Variants in GPR158 observed in about 807,000 individuals in gnomAD.
The protein encoded by GPR158 is G protein-coupled receptor 158.
GPR158 carries 30 observed loss-of-function variants against 78.2 expected under a neutral mutation model. The ratio of observed to expected loss-of-function variants is 0.38; its 90% CI spans 0.29 to 0.52. GPR158 has a LOEUF of 0.52. Among genes scored for constraint, GPR158 ranks in the 20% least tolerant of loss-of-function variants. The pLI is 0.83. For missense variants in GPR158, 1,463 were observed against 1,523.5 expected (o/e 0.96, Z 0.66); for synonymous variants, 581 against 591.1 (o/e 0.98, Z 0.25).
At chr10:25,425,318 C>G (rs1834804775) in intron 4 of GPR158, among the ~76,000 whole-genome samples, 1 of 152,066 alleles carries the variant, frequency 6.6e-6, no homozygotes, top group African/African-American at 2.4e-5. Context: ...AAAGTGTTCT[C>G]TTTTCAGCAC....
intron 2 of GPR158, among the ~76,000 whole-genome samples, chr10:25,252,971 G>C (rs546213152): frequency 4.6e-5 from 7 of 152,188 alleles, no homozygotes; most frequent in Middle Eastern, 3.4e-3. Context: ...GCGAGATTCC[G>C]TGGGCGTAGG....
intron 2 of GPR158, among the ~76,000 whole-genome samples, chr10:25,284,956 C>G (rs917437302): frequency 2.0e-5 from 3 of 151,994 alleles, no homozygotes; most frequent in African/African-American, 7.2e-5. Flanking sequence ...ACTATACACA[C>G]AATACATTGC....
At chr10:25,409,257 C>A (rs1281901613) in intron 3 of GPR158, among the ~76,000 whole-genome samples, 1 of 152,064 alleles carries the variant, frequency 6.6e-6, no homozygotes, top group Non-Finnish European at 1.5e-5. Context: ...CTGTCTGTGA[C>A]TGTTCTATCC....
intron 2 of GPR158, among the ~76,000 whole-genome samples, chr10:25,270,570 A>T (rs1234001808): frequency 6.6e-6 from 1 of 152,114 alleles, no homozygotes; most frequent in Non-Finnish European, 1.5e-5. Context: ...TGATCTCACT[A>T]ATGCCACTCT....
intron 2 of GPR158, among the ~76,000 whole-genome samples, chr10:25,332,877 T>C (rs1021014150): frequency 1.3e-5 from 2 of 152,190 alleles, no homozygotes; most frequent in African/African-American, 4.8e-5. Flanking sequence ...CAATATACTT[T>C]AGGGTTCTGG....
At chr10:25,526,080 C>T (rs1409110584) in intron 5 of GPR158, among the ~76,000 whole-genome samples, 1 of 138,768 alleles carries the variant, frequency 7.2e-6, no homozygotes, top group African/African-American at 2.8e-5. Flanking sequence ...GCACTCCAGC[C>T]TGGGCGACAG....
intron 2 of GPR158, among the ~76,000 whole-genome samples, chr10:25,232,314 C>T (rs1240628281): frequency 1.3e-5 from 2 of 152,128 alleles, no homozygotes; most frequent in African/African-American, 2.4e-5. Flanking sequence ...CCCATTATGA[C>T]AGCAAATCAG....
chr10:25,211,767 A>G (rs2130670306), intron 1 of GPR158, among the ~76,000 whole-genome samples: 1 of 152,340 alleles, frequency 6.6e-6, no homozygotes, highest in South Asian at 2.1e-4. Context: ...AACATTTGGA[A>G]TATACCTGTG....
Position 25,594,393 on chromosome 10 carries a change from C to G in GPR158, c.1994C>G (p.Pro665Arg). Reference protein sequence around the residue: ...VTVTIGLLLIPKFSHSSNNPR... With the variant: ...VTVTIGLLLIRKFSHSSNNPR... ...GTCACCATTGGGTTGCTTTTGATTC[C>G]AAAGGTATTCTTCTAATATTACTTT... The change falls in exon 9 of 11, where the codon CCA (proline) becomes CGA (arginine). Residue 665 changes from proline (P) to arginine (R), a missense_variant. Transcript: ENST00000376351. 7.1e-7 allele frequency: 1 copy of G among 1,417,924 alleles called. No individual in the cohort carries two copies. The highest frequency in any genetic ancestry group is 9.9e-7 in the Non-Finnish European group (1 of 1,012,952). 87.8% of individuals were successfully genotyped at this position (1,417,924 alleles called of 1,614,324 possible).
chr10:25,328,183 G>GGT (rs147167791), intron 2 of GPR158, among the ~76,000 whole-genome samples: 4 of 151,818 alleles, frequency 2.6e-5, no homozygotes, highest in African/African-American at 9.7e-5. Flanking sequence ...GAAATACATA[G>GGT]ATATATATAG....
chr10:25,483,958 C>A (rs1835698314), intron 5 of GPR158, among the ~76,000 whole-genome samples: 1 of 152,162 alleles, frequency 6.6e-6, no homozygotes, highest in African/African-American at 2.4e-5. Context: ...ATGCAGCACA[C>A]AGAATATAAA....
At chr10:25,480,148 G>A (rs1244932260) in intron 5 of GPR158, among the ~76,000 whole-genome samples, 1 of 151,834 alleles carries the variant, frequency 6.6e-6, no homozygotes, top group South Asian at 2.1e-4. Context: ...AACATGTTTT[G>A]TATAATTTCT....
At chr10:25,591,941 C>T (rs1837346341) in intron 8 of GPR158, among the ~76,000 whole-genome samples, 2 of 151,942 alleles carry the variant, frequency 1.3e-5, no homozygotes, top group Non-Finnish European at 2.9e-5. Flanking sequence ...CAATAATAAA[C>T]CAATCAAGTA....
At chr10:25,327,173 G>A (rs1056881900) in intron 2 of GPR158, among the ~76,000 whole-genome samples, 10 of 151,786 alleles carry the variant, frequency 6.6e-5, no homozygotes, top group Non-Finnish European at 1.3e-4. Context: ...ACACACACAC[G>A]CGCAAGAAGT....
At chr10:25,251,215 A>G (rs926253102) in intron 2 of GPR158, among the ~76,000 whole-genome samples, 122 of 152,292 alleles carry the variant, frequency 8.0e-4, no homozygotes, top group African/African-American at 2.6e-3. Context: ...GTCTCTGCAC[A>G]TGAGATGGGT....
chr10:25,338,539 ATATACGTAATATATAATACGTATTG>A (rs1855256145), intron 2 of GPR158, among the ~76,000 whole-genome samples: 1 of 64,494 alleles, frequency 1.6e-5, no homozygotes, highest in Non-Finnish European at 6.2e-5. Flanking sequence ...CGTATATTAT[ATATACGTAATATATAATACGTATTG>A]TATATTATTA....
At chr10:25,412,646 T>C (rs1241057163) in intron 4 of GPR158, among the ~76,000 whole-genome samples, 173 bp downstream of exon 4, 1 of 152,178 alleles carries the variant, frequency 6.6e-6, no homozygotes, top group Non-Finnish European at 1.5e-5. Flanking sequence ...AAAATAGAGA[T>C]TAAAACATGA....
intron 2 of GPR158, chr10:25,244,587 T>C (rs1475632437): frequency 1.3e-5 from 2 of 152,200 alleles, no homozygotes; most frequent in East Asian, 3.8e-4. Flanking sequence ...CAGCTCTTTA[T>C]AGTGGCCAAA....
chr10:25,379,950 A>T (rs1371726369), intron 2 of GPR158, among the ~76,000 whole-genome samples: 2 of 138,498 alleles, frequency 1.4e-5, no homozygotes, highest in Admixed American at 7.3e-5. Flanking sequence ...AAGCTTTCTT[A>T]TGCCTCTCCA....
Sources: gnomAD v4.1 joint callset for allele counts (sites outside exome capture counted in the v4.1 genomes callset) on GRCh38, gnomAD v4.1.1 for gene constraint, MANE v1.5 for transcripts, NCBI Gene and HGNC (gene_info 2026-07-23, HGNC 2026-07-21) for gene names.